SNTG1: variants seen among roughly 807,000 people sequenced by gnomAD.
The protein encoded by SNTG1 is gamma-1-syntrophin.
A neutral mutation model predicts 74.7 loss-of-function variants in SNTG1; 39 were observed. The ratio of observed to expected loss-of-function variants is 0.52; its 90% CI spans 0.40 to 0.68. The LOEUF (loss-of-function observed/expected upper bound fraction) is 0.68, where lower values mean the gene tolerates loss of function less well. SNTG1 is among the 30% of genes least tolerant of loss of function. SNTG1 has a pLI of 0.00. For missense variants in SNTG1, 685 were observed against 609.5 expected (o/e 1.12, Z -1.30); for synonymous variants, 254 against 217.1 (o/e 1.17, Z -1.49).
At chr8:50,645,700 G>T (rs987923507) in intron 13 of SNTG1, among the ~76,000 whole-genome samples, 1 of 152,156 alleles carries the variant, frequency 6.6e-6, no homozygotes, top group Non-Finnish European at 1.5e-5. Context: ...TGAAGGGCTC[G>T]TGGAACACTT....
intron 1 of SNTG1, among the ~76,000 whole-genome samples, chr8:50,132,456 A>C (rs2081347792): frequency 6.6e-6 from 1 of 152,176 alleles, no homozygotes; most frequent in African/African-American, 2.4e-5. Flanking sequence ...CTTCCAAGTT[A>C]CAATAATTAG....
intron 8 of SNTG1, among the ~76,000 whole-genome samples, chr8:50,455,397 T>C (rs2093495991): frequency 1.3e-5 from 2 of 152,220 alleles, no homozygotes; most frequent in African/African-American, 4.8e-5. Context: ...TATTAGGTAA[T>C]TTGAATTGCA....
chr8:50,405,969 C>A (rs555600164), intron 4 of SNTG1, among the ~76,000 whole-genome samples: 8 of 151,826 alleles, frequency 5.3e-5, no homozygotes, highest in Non-Finnish European at 1.0e-4. Flanking sequence ...CACAGTTATG[C>A]CTTTTGTTTG....
chr8:50,549,247 T>C (rs1480084413), intron 11 of SNTG1, among the ~76,000 whole-genome samples: 2 of 150,146 alleles, frequency 1.3e-5, no homozygotes, highest in African/African-American at 4.9e-5. Flanking sequence ...TGAACCAAGG[T>C]AGTGCACACA....
intron 13 of SNTG1, among the ~76,000 whole-genome samples, chr8:50,636,798 T>C (rs567428167): frequency 6.6e-6 from 1 of 152,322 alleles, no homozygotes; most frequent in East Asian, 1.9e-4. Flanking sequence ...TTAAATTTGG[T>C]GTTCCTGTGG....
intron 4 of SNTG1, among the ~76,000 whole-genome samples, chr8:50,431,332 G>A (rs2093233548): frequency 1.3e-5 from 2 of 152,142 alleles, no homozygotes; most frequent in Admixed American, 1.3e-4. Context: ...GATAACATGG[G>A]AGGCTATGCA....
chr8:50,337,250 T>C (rs2091172086), intron 2 of SNTG1, among the ~76,000 whole-genome samples: 1 of 152,202 alleles, frequency 6.6e-6, no homozygotes, highest in Non-Finnish European at 1.5e-5. Context: ...AACAAGTGAA[T>C]ACAGGGAACC....
intron 15 of SNTG1, among the ~76,000 whole-genome samples, chr8:50,678,488 A>C (rs2131377366): frequency 6.6e-6 from 1 of 152,240 alleles, no homozygotes; most frequent in Middle Eastern, 3.4e-3. Context: ...CAAGTGTGTC[A>C]ACATATTTAT....
intron 2 of SNTG1, among the ~76,000 whole-genome samples, chr8:50,383,829 G>T (rs185717758): frequency 1.8e-4 from 27 of 152,308 alleles, no homozygotes; most frequent in Non-Finnish European, 3.1e-4. Flanking sequence ...CCCTCTGGAA[G>T]TCAGTATCAA....
At chr8:50,255,778 C>T (rs1325200792) in intron 2 of SNTG1, among the ~76,000 whole-genome samples, 4 of 152,144 alleles carry the variant, frequency 2.6e-5, no homozygotes, top group African/African-American at 9.7e-5. Context: ...CTGCACTGAT[C>T]CTATTTCCCC....
At chr8:50,327,797 A>G (rs926261739) in intron 2 of SNTG1, among the ~76,000 whole-genome samples, 6 of 151,534 alleles carry the variant, frequency 4.0e-5, no homozygotes, top group Non-Finnish European at 7.4e-5. Flanking sequence ...GCTTCCATTT[A>G]CTCTCCATTC....
chr8:50,519,062 A>G (rs912889999), intron 9 of SNTG1, among the ~76,000 whole-genome samples: 5 of 152,036 alleles, frequency 3.3e-5, no homozygotes, highest in African/African-American at 4.8e-5. Flanking sequence ...TCCAAAAGCA[A>G]CTCTCAAAAT....
At chr8:50,706,441 C>T (rs1228075329) in intron 16 of SNTG1, among the ~76,000 whole-genome samples, 1 of 152,112 alleles carries the variant, frequency 6.6e-6, no homozygotes, top group Non-Finnish European at 1.5e-5. Flanking sequence ...CAATAGTCCA[C>T]TTCGCTTGGA....
intron 4 of SNTG1, among the ~76,000 whole-genome samples, chr8:50,433,879 G>A (rs1431274631): frequency 2.0e-5 from 3 of 152,080 alleles, no homozygotes; most frequent in African/African-American, 4.8e-5. Context: ...AGTACACATA[G>A]TAGATTTTTA....
At chr8:50,183,832 A>G (rs1341190333) in intron 2 of SNTG1, among the ~76,000 whole-genome samples, 1 of 152,118 alleles carries the variant, frequency 6.6e-6, no homozygotes, top group Admixed American at 6.5e-5. Flanking sequence ...TTTCTCTCCA[A>G]ACTTTCAGCA....
At chr8:50,303,669 T>C (rs965774268) in intron 2 of SNTG1, among the ~76,000 whole-genome samples, 2 of 151,978 alleles carry the variant, frequency 1.3e-5, no homozygotes, top group African/African-American at 4.8e-5. Flanking sequence ...GTCTTTTTGG[T>C]CTTTTGTTTT....
intron 1 of SNTG1, among the ~76,000 whole-genome samples, chr8:50,085,104 C>A (rs1822758816): frequency 6.6e-6 from 1 of 152,160 alleles, no homozygotes; most frequent in African/African-American, 2.4e-5. Flanking sequence ...TTGTCTTCTC[C>A]AGGTAATCCT....
intron 9 of SNTG1, among the ~76,000 whole-genome samples, chr8:50,529,180 A>G (rs911112540): frequency 6.6e-6 from 1 of 151,984 alleles, no homozygotes; most frequent in Non-Finnish European, 1.5e-5. Context: ...ATACATTAAA[A>G]TGTAGAAGAT....
chr8:49,990,835 T>G (rs1439052484), intron 1 of SNTG1, among the ~76,000 whole-genome samples: 1 of 152,162 alleles, frequency 6.6e-6, no homozygotes, highest in African/African-American at 2.4e-5. Flanking sequence ...CTACAAATAT[T>G]ATTCTTAGAA....
Sources: allele counts gnomAD v4.1 joint callset (sites outside exome capture counted in the v4.1 genomes callset), GRCh38; gene constraint gnomAD v4.1.1; transcripts MANE v1.5; gene names NCBI Gene and HGNC (gene_info 2026-07-23, HGNC 2026-07-21).